ADPGK: variants seen among roughly 807,000 people sequenced by gnomAD.
ADPGK encodes the protein ADP-dependent glucokinase.
ADPGK carries 26 observed loss-of-function variants against 42.4 expected under a neutral mutation model. The observed-to-expected ratio is 0.61, with a 90% CI of 0.45 to 0.85. The LOEUF (loss-of-function observed/expected upper bound fraction) is 0.85, where lower values mean the gene tolerates loss of function less well. Ranked by LOEUF, ADPGK falls within the 40% of genes least tolerant of loss-of-function variation. The probability of loss-of-function intolerance (pLI) is 0.00; values close to 1 mark genes in which losing one functional copy is unlikely to be tolerated. For missense variants in ADPGK, 571 were observed against 627.0 expected (o/e 0.91, Z 0.95); for synonymous variants, 267 against 252.6 (o/e 1.06, Z -0.54).
At chr15:72,771,977 G>A in intron 2 of ADPGK, 132 bp from the exon 3 acceptor site, 3 of 589,776 alleles carry the variant, frequency 5.1e-6, no homozygotes, top group Non-Finnish European at 8.1e-6. Flanking sequence ...TTACATCAAA[G>A]GACACACAGA....
At chr15:72,783,109 G>T in intron 1 of ADPGK, 1 of 653,148 alleles carries the variant, frequency 1.5e-6, no homozygotes, top group Non-Finnish European at 2.0e-6. Flanking sequence ...TGTCATAGTG[G>T]GTAAGGTCAA....
At chr15:72,760,280 C>T in intron 4 of ADPGK, 127 bp downstream of exon 4, 1 of 1,274,858 alleles carries the variant, frequency 7.8e-7, no homozygotes, top group Non-Finnish European at 1.1e-6. Flanking sequence ...GGTCAGGAAA[C>T]TTTCAGTATG....
At chr15:72,782,107 G>A (rs2066465746) in intron 1 of ADPGK, among the ~76,000 whole-genome samples, 1 of 152,190 alleles carries the variant, frequency 6.6e-6, no homozygotes, top group African/African-American at 2.4e-5. Flanking sequence ...CAGCCCAAAT[G>A]ACTGATACAA....
chr15:72,760,951 C>T (rs1488911368), intron 3 of ADPGK, among the ~76,000 whole-genome samples: 1 of 152,090 alleles, frequency 6.6e-6, no homozygotes, highest in African/African-American at 2.4e-5. Context: ...AGGTGAGGTC[C>T]TAATCAGATA....
In ADPGK at chr15:72,755,662, GAGA is replaced by G. The variant is rs768589195; in HGVS notation, c.841-11_841-9del. The G allele has an allele frequency of 1.4e-5, 22 of 1,597,002 alleles. No individual in the cohort carries two copies. The highest frequency in any genetic ancestry group is 1.3e-5 in the African/African-American group (1 of 74,522). Reference sequence around the variant, plus strand: ...AGAAATGGAGGTTACAACCTGCAAAGAGAAGAAGATAAGCACTGCCATTAGAAA... The same window carrying G: ...AGAAATGGAGGTTACAACCTGCAAAGAGAAGATAAGCACTGCCATTAGAAA... On this transcript the variant is annotated splice_polypyrimidine_tract_variant and intron_variant, in intron 5 of 6. Transcript: ENST00000456471.
intron 1 of ADPGK, among the ~76,000 whole-genome samples, chr15:72,779,871 T>C (rs76543663): frequency 0.076 from 11,507 of 152,322 alleles, 605 homozygotes; most frequent in Non-Finnish European, 0.12. Context: ...AGAAGCTTCA[T>C]CTGAAATCCC....
At chr15:72,770,372 G>A (rs1475071571) in intron 3 of ADPGK, among the ~76,000 whole-genome samples, 2 of 152,216 alleles carry the variant, frequency 1.3e-5, no homozygotes, top group Non-Finnish European at 2.9e-5. Context: ...GGTCCCAGGG[G>A]AGGTCAATAC....
rs534995891 is a variant in ADPGK, at chr15:72,779,678, T to C, written c.233+3781A>G. ...CCTTTTCACCAGCCCCTTAATGCACTAGCATTTAAGGGCTAGTGCCTCCCA... is the reference window on the plus strand; with the variant it reads ...CCTTTTCACCAGCCCCTTAATGCACCAGCATTTAAGGGCTAGTGCCTCCCA... On this transcript the variant is annotated intron_variant, in intron 1 of 6. Transcript: ENST00000456471. Among the ~76,000 whole-genome samples the C allele has an allele frequency of 4.6e-5, 7 of 152,300 alleles. No individual in the cohort carries two copies. The South Asian group carries it at 1.5e-3, about 32-fold the overall frequency.
chr15:72,771,881 A>C, intron 2 of ADPGK, 36 bp from the exon 3 acceptor site: 1 of 1,508,948 alleles, frequency 6.6e-7, no homozygotes, highest in Non-Finnish European at 9.0e-7. Flanking sequence ...ACAGTATTTT[A>C]ATACAACTAT....
intron 6 of ADPGK, among the ~76,000 whole-genome samples, chr15:72,754,536 TGA>T (rs1008433248): frequency 6.6e-6 from 1 of 152,224 alleles, no homozygotes; most frequent in African/African-American, 2.4e-5. Flanking sequence ...GTTCTACTTC[TGA>T]GACTTTCTCC....
rs571996451 is a variant in ADPGK, at chr15:72,761,700, A to C, written c.523-1173T>G. Among the ~76,000 whole-genome samples the C allele has an allele frequency of 9.3e-4, 133 of 142,984 alleles. 1 individual carries two copies. Among genetic ancestry groups the C allele is most frequent in the African/African-American group, 3.3e-3 (128 of 38,898 alleles). 93.8% of individuals were successfully genotyped at this position (142,984 alleles called of 152,430 possible). ...CAGAGATTATCAGCACTGCTTCATGATTTTTTTTTTTTTTTTGAGACAGAG... is the reference window on the plus strand; with the variant it reads ...CAGAGATTATCAGCACTGCTTCATGCTTTTTTTTTTTTTTTTGAGACAGAG... On this transcript the variant is annotated intron_variant, in intron 3 of 6. Coordinates refer to ENST00000456471, the MANE Select transcript of ADPGK (RefSeq NM_001365225.1).
At chr15:72,764,527 G>C (rs1014720453) in intron 3 of ADPGK, among the ~76,000 whole-genome samples, 1 of 152,192 alleles carries the variant, frequency 6.6e-6, no homozygotes, top group Non-Finnish European at 1.5e-5. Flanking sequence ...GAGGTTTAAG[G>C]AAAGAAGCTG....
intron 3 of ADPGK, among the ~76,000 whole-genome samples, chr15:72,764,293 AC>A (rs1205842843): frequency 1.3e-5 from 2 of 152,248 alleles, no homozygotes; most frequent in Non-Finnish European, 2.9e-5. Context: ...AGAAAGCAAA[AC>A]AAAACAGAAA....
rs1567444021 is a variant in ADPGK at position 72,752,579 on chromosome 15, G to T, written c.1256C>A (p.Thr419Asn). Residue 419 changes from threonine (T) to asparagine (N), a missense_variant, in exon 7 of 7, where the codon ACC becomes AAC. This residue lies in a region of ADPGK where 434 missense variants were observed against 522.7 expected (regional missense o/e 0.83). Coordinates refer to ENST00000456471, the MANE Select transcript of ADPGK (RefSeq NM_001365225.1). ...VAGTQACATETIDTSRVSLRA... is the reference protein window; with the variant it reads ...VAGTQACATENIDTSRVSLRA... The stretch of plus-strand genomic sequence containing the variant: ...CAGAGACACTCGGCTGGTGTCTATG[G>T]TTTCTGTGGCGCAGGCCTGTGTCCC... 2 of 1,614,114 alleles carry T rather than the reference G, an allele frequency of 1.2e-6. No individual in the cohort carries two copies. The highest frequency in any genetic ancestry group is 2.7e-5 in the African/African-American group (2 of 74,942).
intron 1 of ADPGK, chr15:72,783,125 T>G: frequency 1.2e-6 from 1 of 860,146 alleles, no homozygotes; most frequent in Non-Finnish European, 1.5e-6. Context: ...GTCAAGTATC[T>G]TTGATTGCAA....
intron 2 of ADPGK, among the ~76,000 whole-genome samples, chr15:72,774,641 C>G (rs2066368032): frequency 6.6e-6 from 1 of 152,162 alleles, no homozygotes; most frequent in Non-Finnish European, 1.5e-5. Flanking sequence ...TCTACTGAAT[C>G]TGAACTCTGG....
At chr15:72,756,207 A>T in intron 5 of ADPGK, 44 bp downstream of exon 5, 1 of 1,609,702 alleles carries the variant, frequency 6.2e-7, no homozygotes, top group Middle Eastern at 1.7e-4. Flanking sequence ...ACCTGAAGAA[A>T]ACCACCAGCT....
At chr15:72,762,386 C>A (rs1378968234) in intron 3 of ADPGK, among the ~76,000 whole-genome samples, 2 of 152,148 alleles carry the variant, frequency 1.3e-5, no homozygotes, top group Admixed American at 1.3e-4. Context: ...ATATAGACTG[C>A]TTTGTACAGA....
rs2066042740 is a variant in ADPGK at position 72,751,294 on chromosome 15, T to C, written c.*1047A>G. The C allele has an allele frequency of 1.3e-5, 2 of 152,560 alleles. 1 individual carries two copies. Among genetic ancestry groups the C allele is most frequent in the South Asian group, 4.1e-4 (2 of 4,826 alleles). 9.5% of individuals were successfully genotyped at this position (152,560 alleles called of 1,614,324 possible). A position where few individuals can be genotyped will look rare whatever the true frequency, so the allele number is the denominator to read the frequency against. On this transcript the variant is annotated 3_prime_UTR_variant, in exon 7 of 7. Coordinates refer to ENST00000456471, the MANE Select transcript of ADPGK (RefSeq NM_001365225.1). ...AGCAAAGTAACATGCACATCACAAA[T>C]GAAGATCAGAATGATTTTTATCTTA...
Sources: gnomAD v4.1 joint callset for allele counts (sites outside exome capture counted in the v4.1 genomes callset) on GRCh38, gnomAD v4.1.1 for gene constraint, gnomAD v4.1.1 regional missense constraint, MANE v1.5 for transcripts, NCBI Gene and HGNC (gene_info 2026-07-23, HGNC 2026-07-21) for gene names.